BCKDHB: variants seen among roughly 807,000 people sequenced by gnomAD.
The protein encoded by BCKDHB is 2-oxoisovalerate dehydrogenase subunit beta, mitochondrial.
BCKDHB carries 41 observed loss-of-function variants against 48.5 expected under a neutral mutation model. The observed-to-expected ratio is 0.85, with a 90% CI of 0.66 to 1.10. The LOEUF (loss-of-function observed/expected upper bound fraction) is 1.10. Among genes scored for constraint, BCKDHB ranks in the 50% least tolerant of loss-of-function variants. The pLI is 0.00. For missense variants in BCKDHB, 496 were observed against 494.2 expected, an observed-to-expected ratio of 1.00 and a Z score of -0.03; for synonymous variants, 201 against 174.8, an observed-to-expected ratio of 1.15 and a Z score of -1.18.
intron 9 of BCKDHB, among the ~76,000 whole-genome samples, chr6:80,322,242 T>C (rs897906500): frequency 1.4e-4 from 15 of 107,012 alleles, no homozygotes; most frequent in Non-Finnish European, 5.9e-5. Flanking sequence ...TCTTTTCTTT[T>C]TTTTTTTTTT....
intron 8 of BCKDHB, among the ~76,000 whole-genome samples, chr6:80,230,299 A>G (rs1775871102): frequency 6.6e-6 from 1 of 151,648 alleles, no homozygotes; most frequent in African/African-American, 2.4e-5. Flanking sequence ...CGGCCTCCCA[A>G]AGTGCTGGGA....
intron 8 of BCKDHB, 121 bp downstream of exon 8, chr6:80,203,333 CTT>C (rs1402829585): frequency 4.0e-6 from 3 of 756,872 alleles, no homozygotes; most frequent in Non-Finnish European, 4.6e-6. Flanking sequence ...TGATTTAAAA[CTT>C]TTAAATTTGC....
At chr6:80,329,885 C>G (rs73465559) in intron 9 of BCKDHB, among the ~76,000 whole-genome samples, 1 of 152,096 alleles carries the variant, frequency 6.6e-6, no homozygotes, top group African/African-American at 2.4e-5. Context: ...CAAACACCTT[C>G]CCCCAACTAA....
intron 8 of BCKDHB, among the ~76,000 whole-genome samples, chr6:80,245,831 G>A (rs569183514): frequency 2.0e-5 from 3 of 152,078 alleles, no homozygotes; most frequent in African/African-American, 7.2e-5. Flanking sequence ...ATCCCAGCAC[G>A]TTGGGAGGCC....
chr6:80,309,578 GT>G (rs1352477805), intron 9 of BCKDHB, among the ~76,000 whole-genome samples: 1 of 151,532 alleles, frequency 6.6e-6, no homozygotes, highest in East Asian at 1.9e-4. Flanking sequence ...TTGGCCTGTG[GT>G]TTTTTTTGTT....
chr6:80,130,369 T>C (rs898033083), intron 3 of BCKDHB, among the ~76,000 whole-genome samples: 2 of 152,140 alleles, frequency 1.3e-5, no homozygotes, highest in African/African-American at 4.8e-5. Context: ...TTTTTTAAAT[T>C]GTTGTCTCTT....
intron 3 of BCKDHB, among the ~76,000 whole-genome samples, chr6:80,165,999 C>T (rs1772549733): frequency 6.6e-6 from 1 of 152,136 alleles, no homozygotes; most frequent in Admixed American, 6.5e-5. Flanking sequence ...ATCAACCAGA[C>T]TGAGTCTATT....
chr6:80,111,066 C>T (rs1251089779), intron 1 of BCKDHB, among the ~76,000 whole-genome samples: 1 of 152,182 alleles, frequency 6.6e-6, no homozygotes, highest in Non-Finnish European at 1.5e-5. Context: ...CAGCTTGATA[C>T]TACTAGAAAT....
intron 8 of BCKDHB, among the ~76,000 whole-genome samples, chr6:80,236,259 G>GC (rs1325760238): frequency 1.3e-5 from 2 of 152,092 alleles, no homozygotes; most frequent in African/African-American, 4.8e-5. Flanking sequence ...TTGATTACAT[G>GC]CATATTCCCA....
At chr6:80,235,333 T>A (rs1005685757) in intron 8 of BCKDHB, among the ~76,000 whole-genome samples, 1 of 152,202 alleles carries the variant, frequency 6.6e-6, no homozygotes, top group Admixed American at 6.5e-5. Flanking sequence ...TCTTCTAATA[T>A]CAGGCATTGG....
the BCKDHB span, among the ~76,000 whole-genome samples, chr6:80,368,021 C>G: frequency 6.6e-6 from 1 of 152,232 alleles, no homozygotes; most frequent in Non-Finnish European, 1.5e-5. Flanking sequence ...AGGCCACACA[C>G]CCATGTCACT....
chr6:80,395,800 C>T, the BCKDHB span, among the ~76,000 whole-genome samples: 7 of 152,288 alleles, frequency 4.6e-5, no homozygotes, highest in Admixed American at 6.5e-5. Context: ...GTTTCATGGG[C>T]CAGGCTCAGG....
the BCKDHB span, among the ~76,000 whole-genome samples, chr6:80,418,188 T>A: frequency 6.6e-6 from 1 of 151,776 alleles, no homozygotes; most frequent in East Asian, 2.0e-4. Flanking sequence ...ATCAGGTCGT[T>A]TGTTTTACCA....
intron 3 of BCKDHB, among the ~76,000 whole-genome samples, chr6:80,165,412 G>T (rs184392267): frequency 6.6e-6 from 1 of 152,292 alleles, no homozygotes; most frequent in East Asian, 1.9e-4. Context: ...CAAACTACAG[G>T]ATGTGTCTGG....
At chr6:80,454,773 A>C in the BCKDHB span, among the ~76,000 whole-genome samples, 1 of 152,182 alleles carries the variant, frequency 6.6e-6, no homozygotes, top group East Asian at 1.9e-4. Flanking sequence ...CCCTCCCTAC[A>C]CTGTCAGACT....
At chr6:80,317,578 G>A (rs556029049) in intron 9 of BCKDHB, among the ~76,000 whole-genome samples, 64 of 152,286 alleles carry the variant, frequency 4.2e-4, no homozygotes, top group African/African-American at 1.5e-3. Context: ...TGATTAGGTT[G>A]GGCCCATCTG....
chr6:80,269,583 T>C (rs1339590182), intron 8 of BCKDHB, among the ~76,000 whole-genome samples: 1 of 152,074 alleles, frequency 6.6e-6, no homozygotes, highest in Non-Finnish European at 1.5e-5. Context: ...GGAACAGTAC[T>C]CGGTGGTAAA....
At chr6:80,193,074 G>A (rs912728675) in intron 6 of BCKDHB, among the ~76,000 whole-genome samples, 1 of 151,906 alleles carries the variant, frequency 6.6e-6, no homozygotes. Context: ...TGCCCATCTC[G>A]GTCTCCAAAA....
At chr6:80,273,841 G>A (rs1293735452) in intron 9 of BCKDHB, among the ~76,000 whole-genome samples, 1 of 151,826 alleles carries the variant, frequency 6.6e-6, no homozygotes, top group African/African-American at 2.4e-5. Flanking sequence ...TTTCTGGCAA[G>A]TTTTACCTAA....
Sources: gnomAD v4.1 joint callset for allele counts (sites outside exome capture counted in the v4.1 genomes callset) on GRCh38, gnomAD v4.1.1 for gene constraint, MANE v1.5 for transcripts, NCBI Gene and HGNC (gene_info 2026-07-23, HGNC 2026-07-21) for gene names.